The following AACS variants were observed in gnomAD, a reference collection of about 807,000 sequenced individuals.
AACS encodes acetoacetate-CoA ligase.
Under a neutral mutation model 83.1 loss-of-function variants are expected in AACS, and 69 were observed. The observed-to-expected ratio is 0.83, with a 90% CI of 0.68 to 1.01. AACS has a LOEUF of 1.01. AACS is among the 50% of genes least tolerant of loss of function. The pLI is 0.00. For synonymous variants in AACS, 333 were observed against 343.4 expected (o/e 0.97, Z 0.33); for missense variants, 866 against 882.2 (o/e 0.98, Z 0.23).
chr12:125,130,252 G>A lies in AACS; in HGVS notation c.1549+792G>A, dbSNP rs554194010. On this transcript the variant is annotated intron_variant, in intron 14 of 17. Transcript: ENST00000316519. The surrounding 1 kb of genome is among the most constrained non-coding windows in gnomAD (Gnocchi z 4.9). Reference sequence around the variant, plus strand: ...TATCCTTCCTGCCTTGCGTGTTTGCGTTTCACCGTTAAAGCCATTGTGCCT... The same window carrying A: ...TATCCTTCCTGCCTTGCGTGTTTGCATTTCACCGTTAAAGCCATTGTGCCT... 5.3e-5 allele frequency among the ~76,000 whole-genome samples: 8 copies of A among 152,366 alleles called. No individual in the cohort carries two copies. Among genetic ancestry groups the A allele is most frequent in the South Asian group, 2.1e-4 (1 of 4,828 alleles).
chr12:125,090,372 TCATC>T lies in AACS; in HGVS notation c.473-1050_473-1047del, dbSNP rs1488858713. 3.8e-5 allele frequency among the ~76,000 whole-genome samples: 3 copies of T among 79,438 alleles called. No individual in the cohort carries two copies. In the East Asian group the frequency reaches 1.2e-3, roughly 31 times the overall value. The allele number at this position is 79,438 out of a possible 152,430, so 52.1% of individuals were successfully genotyped here. A position where few individuals can be genotyped will look rare whatever the true frequency, so the allele number is the denominator to read the frequency against. On this transcript the variant is annotated intron_variant, in intron 4 of 17. Coordinates refer to ENST00000316519, the MANE Select transcript of AACS (RefSeq NM_023928.5). ...ACCCATTTATCCGTCATCCATCTAT[TCATC>T]CATTCATTTATCCTCCACCCATCAT...
At position 125,138,007 on chromosome 12, in the gene AACS, CT is replaced by C. The variant is rs368375671; in HGVS notation, c.1881+1146del. Reference sequence around the variant, plus strand: ...TACTTTGAAACCCGTAGATCATTCTCTTTGCCTTAAAAGTTATTTCAACATC... The same window carrying C: ...TACTTTGAAACCCGTAGATCATTCTCTTGCCTTAAAAGTTATTTCAACATC... On this transcript the variant is annotated intron_variant, in intron 17 of 17. Coordinates refer to ENST00000316519, the MANE Select transcript of AACS (RefSeq NM_023928.5). Among the ~76,000 whole-genome samples, 377 of 152,326 alleles carry C rather than the reference CT, an allele frequency of 2.5e-3. 6 individuals carry two copies. The highest frequency in any genetic ancestry group is 8.7e-3 in the African/African-American group (360 of 41,564).
chr12:125,125,209 G>A (rs891775806), intron 12 of AACS, among the ~76,000 whole-genome samples, 185 bp downstream of exon 12: 1 of 152,168 alleles, frequency 6.6e-6, no homozygotes, highest in South Asian at 2.1e-4. Flanking sequence ...GAACCCATAC[G>A]GAACCCTTGC....
chr12:125,125,075 A>G (rs1957225925), intron 12 of AACS, 51 bp downstream of exon 12: 26 of 1,612,030 alleles, frequency 1.6e-5, no homozygotes, highest in Non-Finnish European at 2.1e-5. Context: ...CGGCCCCATA[A>G]GTATGCACAC....
Position 125,124,473 on chromosome 12 carries a change from A to G in AACS, c.1122-232A>G, listed in dbSNP as rs1343172528. ...CTGTTTTATGTGACGCCTCGTGGTA[A>G]AGGGAGCTGGCCCTGCGTGCTGAAA... On this transcript the variant is annotated intron_variant, in intron 10 of 17. Transcript: ENST00000316519. The G allele has an allele frequency of 5.3e-6, 3 of 564,636 alleles. No individual in the cohort carries two copies. The Admixed American group carries it at 9.5e-5, about 18-fold the overall frequency. The allele number at this position is 564,636 out of a possible 1,614,324, so 35.0% of individuals were successfully genotyped here. A position where few individuals can be genotyped will look rare whatever the true frequency, so the allele number is the denominator to read the frequency against.
chr12:125,093,841 C>T (rs186492722), intron 5 of AACS, among the ~76,000 whole-genome samples: 3 of 152,314 alleles, frequency 2.0e-5, no homozygotes, highest in Admixed American at 6.5e-5. Context: ...TACTCGCACT[C>T]GAACTGAGAT....
chr12:125,103,093 C>T lies in AACS; in HGVS notation c.767+12C>T, dbSNP rs758391175. On this transcript the variant is annotated intron_variant, in intron 7 of 17. Transcript: ENST00000316519. Reference sequence around the variant, plus strand: ...AAGATTCCAAACAGGTAATGTACCGCATTCTGACCCACAGGTCCGTGTGGA... The same window carrying T: ...AAGATTCCAAACAGGTAATGTACCGTATTCTGACCCACAGGTCCGTGTGGA... The T allele has an allele frequency of 6.2e-7, 1 of 1,611,498 alleles. No individual in the cohort carries two copies. Among genetic ancestry groups the T allele is most frequent in the Non-Finnish European group, 8.5e-7 (1 of 1,178,612 alleles).
intron 15 of AACS, 135 bp downstream of exon 15, chr12:125,134,207 TCCACA>T: frequency 2.2e-6 from 2 of 914,500 alleles, no homozygotes; most frequent in Non-Finnish European, 3.3e-6. Context: ...CACCAGGGTG[TCCACA>T]CCACCCACAC....
chr12:125,121,859 G>C (rs981578722), intron 10 of AACS: 3 of 152,372 alleles, frequency 2.0e-5, no homozygotes, highest in Non-Finnish European at 4.4e-5. Flanking sequence ...GCTGGACTAC[G>C]TGCTCTGAGC....
chr12:125,092,595 G>C (rs1002402267), intron 5 of AACS: 1 of 152,336 alleles, frequency 6.6e-6, no homozygotes, highest in Non-Finnish European at 1.5e-5. Flanking sequence ...GCTGGGTTCA[G>C]GGAGGGCGTG....
chr12:125,111,095 A>G (rs770068359), intron 8 of AACS, among the ~76,000 whole-genome samples: 2 of 152,192 alleles, frequency 1.3e-5, no homozygotes, highest in Non-Finnish European at 2.9e-5. Context: ...TAGCAGTTAC[A>G]CTGGCTCAAC....
intron 8 of AACS, among the ~76,000 whole-genome samples, chr12:125,109,947 C>T (rs964086051): frequency 2.0e-5 from 3 of 151,704 alleles, no homozygotes; most frequent in East Asian, 1.9e-4. Flanking sequence ...GGGGATACAA[C>T]GTTAGTGTAT....
chr12:125,116,249 T>C (rs961453667), intron 9 of AACS, among the ~76,000 whole-genome samples: 1 of 152,120 alleles, frequency 6.6e-6, no homozygotes, highest in African/African-American at 2.4e-5. Flanking sequence ...GCTACGATGA[T>C]GCAGGATTCG....
intron 4 of AACS, among the ~76,000 whole-genome samples, chr12:125,089,319 A>AG (rs1329654480): frequency 3.3e-5 from 5 of 152,108 alleles, no homozygotes; most frequent in Non-Finnish European, 5.9e-5. Context: ...CACCCACTGC[A>AG]GGGGGGAGAA....
Position 125,129,374 on chromosome 12 carries a change from C to G in AACS, c.1463C>G (p.Thr488Ser), listed in dbSNP as rs1188566114. The G allele has an allele frequency of 5.0e-6, 8 of 1,613,876 alleles. No individual in the cohort carries two copies. Among genetic ancestry groups the G allele is most frequent in the Non-Finnish European group, 6.8e-6 (8 of 1,179,996 alleles). Residue 488 changes from threonine (T) to serine (S), a missense_variant, in exon 14 of 18, where the codon ACT (threonine) becomes AGT (serine). Coordinates refer to ENST00000316519, the MANE Select transcript of AACS (RefSeq NM_023928.5). The surrounding 1 kb of genome is among the most constrained non-coding windows in gnomAD (Gnocchi z 4.3). ...GGAGAGAGCGGCGAGCTGGTGTGTA[C>G]TAAGCCGATCCCTTGCCAGCCCACA... ...VWGESGELVCTKPIPCQPTHF... is the reference protein window; with the variant it reads ...VWGESGELVCSKPIPCQPTHF...
At chr12:125,131,501 C>T (rs1957328287) in intron 14 of AACS, among the ~76,000 whole-genome samples, 2 of 152,106 alleles carry the variant, frequency 1.3e-5, no homozygotes, top group South Asian at 4.1e-4. Context: ...CATGAGCCAC[C>T]ACACCCGGCC....
rs1957404948 is a variant in AACS, at chr12:125,136,666, A to C, written c.1683A>C (p.Glu561Asp). 1 of 1,613,498 alleles carries C rather than the reference A, an allele frequency of 6.2e-7. No individual in the cohort carries two copies. Among genetic ancestry groups the C allele is most frequent in the East Asian group, 2.2e-5 (1 of 44,864 alleles). ...CACCCTCTCCTGTCTCCACAGTGGA[A>C]TCCTTCGAGGAGGTGGAGGACAGCC... Reference protein sequence around the residue: ...FGSSEIYNIVESFEEVEDSLC... With the variant: ...FGSSEIYNIVDSFEEVEDSLC... Residue 561 changes from glutamate to aspartate, a missense_variant, in exon 17 of 18, where the codon GAA (glutamate) becomes GAC (aspartate). Transcript: ENST00000316519.
At chr12:125,091,653 C>CT (rs1281936703) in intron 5 of AACS, 130 bp downstream of exon 5, 1 of 887,588 alleles carries the variant, frequency 1.1e-6, no homozygotes, top group African/African-American at 1.7e-5. Flanking sequence ...GGCGTTGCAG[C>CT]TGCCTCTATG....
chr12:125,138,029 A>G (rs140377763), intron 17 of AACS, among the ~76,000 whole-genome samples: 132 of 152,334 alleles, frequency 8.7e-4, no homozygotes, highest in Non-Finnish European at 1.6e-3. Context: ...AGTTATTTCA[A>G]CATCTTCAAA....
Sources: gnomAD v4.1 joint callset for allele counts (sites outside exome capture counted in the v4.1 genomes callset) on GRCh38, gnomAD v4.1.1 for gene constraint, Gnocchi (gnomAD v3.1) non-coding constraint, MANE v1.5 for transcripts, NCBI Gene and HGNC (gene_info 2026-07-23, HGNC 2026-07-21) for gene names.